PDGFC: variants seen among roughly 807,000 people sequenced by gnomAD.
PDGFC encodes the protein platelet derived growth factor C, also known as platelet-derived growth factor C.
Under a neutral mutation model 35.5 loss-of-function variants are expected in PDGFC, and 12 were observed. The observed-to-expected ratio is 0.34, with a 90% CI of 0.22 to 0.55. PDGFC has a LOEUF of 0.55. Among genes scored for constraint, PDGFC ranks in the 20% least tolerant of loss-of-function variants. The probability of loss-of-function intolerance (pLI) is 0.91; values close to 1 mark genes in which losing one functional copy is unlikely to be tolerated. For missense variants in PDGFC, 322 were observed against 412.4 expected (o/e 0.78, Z 1.90); for synonymous variants, 159 against 148.8 (o/e 1.07, Z -0.50).
At chr4:156,894,903 C>A (rs1329857896) in intron 1 of PDGFC, among the ~76,000 whole-genome samples, 1 of 152,164 alleles carries the variant, frequency 6.6e-6, no homozygotes, top group East Asian at 1.9e-4. Context: ...GTTATTATGA[C>A]CCTCAGGATT....
At chr4:156,828,871 G>C (rs1460922327) in intron 2 of PDGFC, among the ~76,000 whole-genome samples, 3 of 152,036 alleles carry the variant, frequency 2.0e-5, no homozygotes, top group Non-Finnish European at 1.5e-5. Context: ...GCAGACTCCA[G>C]AGGCAGAATT....
At chr4:156,956,553 A>G (rs1732215372) in intron 1 of PDGFC, among the ~76,000 whole-genome samples, 1 of 152,056 alleles carries the variant, frequency 6.6e-6, no homozygotes, top group Non-Finnish European at 1.5e-5. Context: ...TGTGGGTGAC[A>G]CGGCATTGGA....
At chr4:156,950,006 T>C (rs143969717) in intron 1 of PDGFC, among the ~76,000 whole-genome samples, 4 of 152,052 alleles carry the variant, frequency 2.6e-5, no homozygotes, top group South Asian at 4.1e-4. Flanking sequence ...GCACTACCTA[T>C]GACATTTTTC....
chr4:156,951,324 G>A (rs780958291), intron 1 of PDGFC, among the ~76,000 whole-genome samples: 6 of 151,816 alleles, frequency 4.0e-5, no homozygotes, highest in Admixed American at 2.0e-4. Context: ...CAGGCAAATA[G>A]TTTAAAGAAA....
intron 1 of PDGFC, among the ~76,000 whole-genome samples, chr4:156,915,975 G>C (rs200400932): frequency 6.6e-6 from 1 of 151,994 alleles, no homozygotes; most frequent in East Asian, 1.9e-4. Context: ...AAGTTTCTCT[G>C]TGATAGCTCT....
intron 3 of PDGFC, chr4:156,779,242 A>G (rs17035231): frequency 0.31 from 137,961 of 445,662 alleles, 25,118 homozygotes; most frequent in South Asian, 0.54. Context: ...GAATTCATTC[A>G]AAAAGTTATC....
intron 1 of PDGFC, among the ~76,000 whole-genome samples, chr4:156,960,781 C>A (rs140124856): frequency 6.6e-6 from 1 of 151,990 alleles, no homozygotes; most frequent in African/African-American, 2.4e-5. Context: ...ATAAGAAATT[C>A]ATCTAAATTT....
intron 2 of PDGFC, among the ~76,000 whole-genome samples, chr4:156,816,370 C>T (rs560349083): frequency 1.3e-5 from 2 of 152,146 alleles, no homozygotes; most frequent in East Asian, 3.9e-4. Flanking sequence ...TTGGCTTATG[C>T]TTTAGTTTAG....
Position 156,949,727 on chromosome 4 carries a change from G to C in PDGFC, c.118+21059C>G, listed in dbSNP as rs146681667. 4.0e-4 allele frequency among the ~76,000 whole-genome samples: 61 copies of C among 152,032 alleles called. No homozygotes were observed. The East Asian group carries it at 9.1e-3, about 23-fold the overall frequency. On this transcript the variant is annotated intron_variant, in intron 1 of 5. Transcript: ENST00000502773. The stretch of plus-strand genomic sequence containing the variant: ...AGTCATAGCACTTCACATTTCCTAA[G>C]TGTGTATTACTAGAATGACTTTTGA...
intron 1 of PDGFC, among the ~76,000 whole-genome samples, chr4:156,949,434 T>C (rs958182714): frequency 6.7e-6 from 1 of 150,346 alleles, no homozygotes; most frequent in Non-Finnish European, 1.5e-5. Context: ...TGTGTGTCTC[T>C]CTCTCTTTCT....
chr4:156,818,705 T>C (rs920337935), intron 2 of PDGFC, among the ~76,000 whole-genome samples: 9 of 151,988 alleles, frequency 5.9e-5, no homozygotes, highest in Admixed American at 1.3e-4. Flanking sequence ...GGTTTCACTG[T>C]GTTAGCCAGG....
chr4:156,788,860 T>C lies in PDGFC; in HGVS notation c.496-15967A>G, dbSNP rs112121052. 5.4e-3 allele frequency among the ~76,000 whole-genome samples: 818 copies of C among 152,352 alleles called. 11 individuals carry two copies. Among genetic ancestry groups the C allele is most frequent in the African/African-American group, 0.018 (745 of 41,590 alleles). ...TGACTTCTGATTATTTTGTGCAAAA[T>C]ATTATGAAAATAATTATATACAAGT... On this transcript the variant is annotated intron_variant, in intron 3 of 5. Coordinates refer to ENST00000502773, the MANE Select transcript of PDGFC (RefSeq NM_016205.3).
At chr4:156,928,538 G>A (rs868753124) in intron 1 of PDGFC, among the ~76,000 whole-genome samples, 20 of 152,220 alleles carry the variant, frequency 1.3e-4, no homozygotes, top group Middle Eastern at 6.8e-3. Flanking sequence ...TAAAATACCC[G>A]GGTACTTGCT....
At chr4:156,782,877 G>T (rs76816797) in intron 3 of PDGFC, among the ~76,000 whole-genome samples, 1 of 152,084 alleles carries the variant, frequency 6.6e-6, no homozygotes, top group Admixed American at 6.6e-5. Flanking sequence ...CTCCTGTCAC[G>T]TGCTCACAAC....
intron 1 of PDGFC, among the ~76,000 whole-genome samples, chr4:156,882,025 A>C (rs939226500): frequency 1.3e-5 from 2 of 152,056 alleles, no homozygotes; most frequent in African/African-American, 2.4e-5. Flanking sequence ...AGCAGCATGA[A>C]AATGGACTAA....
intron 1 of PDGFC, among the ~76,000 whole-genome samples, chr4:156,942,083 G>A (rs1223153193): frequency 1.1e-4 from 16 of 151,944 alleles, no homozygotes; most frequent in Admixed American, 2.0e-4. Flanking sequence ...TCTTGAGCAC[G>A]TAGCCCTGTG....
intron 3 of PDGFC, among the ~76,000 whole-genome samples, chr4:156,782,068 A>C (rs1730994602): frequency 6.6e-6 from 1 of 152,152 alleles, no homozygotes; most frequent in Non-Finnish European, 1.5e-5. Context: ...TGATGTGGCA[A>C]ATCAGAGCTT....
chr4:156,763,356 C>T (rs1578993430), intron 5 of PDGFC, 150 bp from the exon 6 acceptor site: 1 of 382,062 alleles, frequency 2.6e-6, no homozygotes, highest in Non-Finnish European at 4.7e-6. Context: ...TGAAAACACT[C>T]TCCCACCAAA....
chr4:156,813,744 A>C (rs1392530785), intron 2 of PDGFC, among the ~76,000 whole-genome samples: 1 of 152,156 alleles, frequency 6.6e-6, no homozygotes, highest in African/African-American at 2.4e-5. Context: ...GAAAACATGT[A>C]GGCACATTCC....
Sources: gnomAD v4.1 joint callset for allele counts (sites outside exome capture counted in the v4.1 genomes callset) on GRCh38, gnomAD v4.1.1 for gene constraint, MANE v1.5 for transcripts, NCBI Gene and HGNC (gene_info 2026-07-23, HGNC 2026-07-21) for gene names.